SMCO3: variants seen among roughly 807,000 people sequenced by gnomAD.
SMCO3 encodes single-pass membrane and coiled-coil domain-containing protein 3.
In SMCO3, 6 loss-of-function variants were observed where a neutral mutation model predicts 12.0. The observed-to-expected ratio is 0.50, with a 90% CI of 0.27 to 0.99. The LOEUF (loss-of-function observed/expected upper bound fraction) is 0.99, where lower values mean the gene tolerates loss of function less well. Ranked by LOEUF, SMCO3 falls within the 50% of genes least tolerant of loss-of-function variation. The probability of loss-of-function intolerance (pLI) is 0.11; values close to 1 mark genes in which losing one functional copy is unlikely to be tolerated. For synonymous variants in SMCO3, 96 were observed against 96.4 expected, an observed-to-expected ratio of 1.00 and a Z score of 0.02; for missense variants, 279 against 265.0, an observed-to-expected ratio of 1.05 and a Z score of -0.37.
At chr12:14,806,862 C>T (rs1467917475) in intron 1 of SMCO3, among the ~76,000 whole-genome samples, 166 bp from the exon 2 acceptor site, 3 of 152,296 alleles carry the variant, frequency 2.0e-5, no homozygotes, top group South Asian at 2.1e-4. Flanking sequence ...GAGGGAGTAT[C>T]GCTGTGTCAC....
In SMCO3 at chr12:14,813,497, G is replaced by C. The variant is rs554911367; in HGVS notation, c.-17+629C>G. Among the ~76,000 whole-genome samples the C allele has an allele frequency of 3.3e-5, 5 of 152,296 alleles. No individual in the cohort carries two copies. The East Asian group carries it at 9.6e-4, about 29-fold the overall frequency. ...TCTGATATAAATTCATTTAAAAAAT[G>C]TTTCTGACCAGAAAGAAGAATATTA... is the stretch of plus-strand genomic sequence containing the variant. On this transcript the variant is annotated intron_variant, in intron 1 of 1. Transcript: ENST00000316048.
Position 14,806,836 on chromosome 12 carries a change from A to G in SMCO3, c.-16-140T>C, listed in dbSNP as rs1313699379. 4 of 808,174 alleles carry G rather than the reference A, an allele frequency of 4.9e-6. No individual in the cohort carries two copies. The Admixed American group carries it at 1.3e-4, about 26-fold the overall frequency. The allele number at this position is 808,174 out of a possible 1,614,324, so 50.1% of individuals were successfully genotyped here. ...TAAGGATAATTCCTCAGAACACTCA[A>G]CAAGTTTTTTTAAAAGAGGGAGTAT... On this transcript the variant is annotated intron_variant, in intron 1 of 1. Transcript: ENST00000316048.
chr12:14,805,960 AAAGG>A lies in SMCO3; in HGVS notation c.*39_*42del. 1 of 1,537,116 alleles carries A rather than the reference AAAGG, an allele frequency of 6.5e-7. No homozygotes were observed. The highest frequency in any genetic ancestry group is 1.3e-5 in the South Asian group (1 of 78,898). ...TCAAAGAAGCAAACACTGTTACTGA[AAAGG>A]AAGCAGAAAAACACTTCAGTGGCAA... On this transcript the variant is annotated 3_prime_UTR_variant, in exon 2 of 2. Transcript: ENST00000316048.
chr12:14,806,809 T>C (rs1190776596), intron 1 of SMCO3, 113 bp from the exon 2 acceptor site: 3 of 970,990 alleles, frequency 3.1e-6, no homozygotes, highest in Non-Finnish European at 4.5e-6. Context: ...CAAGATGCTG[T>C]CTAAGGATAA....
At position 14,805,066 on chromosome 12, in the gene SMCO3, A is replaced by G. The variant is rs1261978099; in HGVS notation, c.*937T>C. ...CCTTTGGCGTTTTCTAAAATCAGGT[A>G]ATTAGTGAAATGGCCCACCTAATGC... On this transcript the variant is annotated 3_prime_UTR_variant, in exon 2 of 2. Coordinates refer to ENST00000316048, the MANE Select transcript of SMCO3 (RefSeq NM_001013698.2). The G allele has an allele frequency of 6.6e-6, 1 of 152,268 alleles. No homozygotes were observed. The allele number at this position is 152,268 out of a possible 1,614,324, so 9.4% of individuals were successfully genotyped here. A position where few individuals can be genotyped will look rare whatever the true frequency, so the allele number is the denominator to read the frequency against.
Position 14,805,145 on chromosome 12 carries a change from T to C in SMCO3, c.*858A>G, listed in dbSNP as rs1950028852. 6.6e-6 allele frequency: 1 copy of C among 152,250 alleles called. No individual in the cohort carries two copies. The highest frequency in any genetic ancestry group is 2.1e-4 in the South Asian group (1 of 4,836). The allele number at this position is 152,250 out of a possible 1,614,324, so 9.4% of individuals were successfully genotyped here. ...TTTGCTAGTGTTGAAAATGAAATTA[T>C]ATTCTTTTTTCTGAAAGCTTATAAT... On this transcript the variant is annotated 3_prime_UTR_variant, in exon 2 of 2. Coordinates refer to ENST00000316048, the MANE Select transcript of SMCO3 (RefSeq NM_001013698.2).
chr12:14,812,538 A>G (rs757930382), intron 1 of SMCO3, among the ~76,000 whole-genome samples: 1 of 152,186 alleles, frequency 6.6e-6, no homozygotes, highest in African/African-American at 2.4e-5. Context: ...CTAATATTCT[A>G]ATGAGCATTT....
In SMCO3 at chr12:14,806,165, T is replaced by TATGCCAAGGCCAAGAACAGCA. The variant is rs768362318; in HGVS notation, c.495_515dup (p.Ala166_Ile172dup). On this transcript the variant is annotated inframe_insertion, in exon 2 of 2. Coordinates refer to ENST00000316048, the MANE Select transcript of SMCO3 (RefSeq NM_001013698.2). ...CCAGGATGGCACGGACAATCATATC[T>TATGCCAAGGCCAAGAACAGCA]ATGCCAAGGCCAAGAACAGCAACTC... The TATGCCAAGGCCAAGAACAGCA allele has an allele frequency of 2.2e-5, 35 of 1,614,034 alleles. No homozygotes were observed. The highest frequency in any genetic ancestry group is 4.0e-5 in the African/African-American group (3 of 74,892).
chr12:14,810,602 C>A (rs1349764196), intron 1 of SMCO3, among the ~76,000 whole-genome samples: 1 of 152,094 alleles, frequency 6.6e-6, no homozygotes, highest in Admixed American at 6.5e-5. Context: ...ATTAAAGGTA[C>A]ACTTGGTATT....
intron 1 of SMCO3, among the ~76,000 whole-genome samples, chr12:14,807,240 TGTG>T (rs1950065974): frequency 6.6e-6 from 1 of 152,264 alleles, no homozygotes; most frequent in Admixed American, 6.5e-5. Flanking sequence ...TATTAGATTT[TGTG>T]GTGGTGAGAA....
Position 14,805,788 on chromosome 12 carries a change from T to C in SMCO3, c.*215A>G, listed in dbSNP as rs558097753. The C allele has an allele frequency of 1.3e-4, 69 of 540,814 alleles. No homozygotes were observed. Among genetic ancestry groups the C allele is most frequent in the Non-Finnish European group, 2.0e-4 (64 of 315,726 alleles). 33.5% of individuals were successfully genotyped at this position (540,814 alleles called of 1,614,324 possible). A position where few individuals can be genotyped will look rare whatever the true frequency, so the allele number is the denominator to read the frequency against. On this transcript the variant is annotated 3_prime_UTR_variant, in exon 2 of 2. Transcript: ENST00000316048. ...GAAAACATCCAGGGAGAAAATTTTT[T>C]TACCTCACAGGGTCTAGCATCAGCT...
At chr12:14,808,220 A>G (rs1479996759) in intron 1 of SMCO3, among the ~76,000 whole-genome samples, 1 of 152,168 alleles carries the variant, frequency 6.6e-6, no homozygotes, top group Non-Finnish European at 1.5e-5. Context: ...AAACTTGACA[A>G]GAGACTTCAG....
At chr12:14,812,293 A>G (rs1393021948) in intron 1 of SMCO3, among the ~76,000 whole-genome samples, 1 of 152,152 alleles carries the variant, frequency 6.6e-6, no homozygotes, top group Non-Finnish European at 1.5e-5. Context: ...AAATACAAAA[A>G]ATTAGCCGGG....
rs1325473313 is a variant in SMCO3 at position 14,806,407 on chromosome 12, C to A, written c.274G>T (p.Glu92Ter). Residue 92 changes from glutamate (E) to a stop codon, truncating the protein, a stop_gained, in exon 2 of 2, where the codon GAG (glutamate) becomes TAG (stop). Coordinates refer to ENST00000316048, the MANE Select transcript of SMCO3 (RefSeq NM_001013698.2). LOFTEE classifies it high-confidence loss of function. Reference sequence around the variant, plus strand: ...TGAAGTTTTCTATAGAGGGTTGGCTCTAGCTTATCTTTTAGTGCTTCATCA... The same window carrying A: ...TGAAGTTTTCTATAGAGGGTTGGCTATAGCTTATCTTTTAGTGCTTCATCA... ...KVDEALKDKL[E>*]PTLYRKLQDI... 6.2e-7 allele frequency: 1 copy of A among 1,614,206 alleles called. No individual in the cohort carries two copies. Among genetic ancestry groups the A allele is most frequent in the South Asian group, 1.1e-5 (1 of 91,086 alleles).
chr12:14,806,324 G>A lies in SMCO3; in HGVS notation c.357C>T (p.Val119=). 6.2e-7 allele frequency: 1 copy of A among 1,614,172 alleles called. No individual in the cohort carries two copies. Among genetic ancestry groups the A allele is most frequent in the East Asian group, 2.2e-5 (1 of 44,890 alleles). ...KIAIVQKVIS[V]ILGEATSAAS... is the part of the protein sequence containing the mutation. ...CTGCAGATGTAGCTTCTCCCAGGAT[G>A]ACCGAAATAACCTTTTGCACTATTG... Residue 119 remains valine (V), a synonymous_variant, in exon 2 of 2, where the codon GTC becomes GTT. Coordinates refer to ENST00000316048, the MANE Select transcript of SMCO3 (RefSeq NM_001013698.2).
At chr12:14,812,400 T>C (rs867958601) in intron 1 of SMCO3, among the ~76,000 whole-genome samples, 17 of 151,974 alleles carry the variant, frequency 1.1e-4, no homozygotes, top group Admixed American at 7.9e-4. Flanking sequence ...GCCGAGATTG[T>C]GCCACTGCAC....
At chr12:14,812,065 A>T (rs542487264) in intron 1 of SMCO3, among the ~76,000 whole-genome samples, 1 of 152,356 alleles carries the variant, frequency 6.6e-6, no homozygotes, top group African/African-American at 2.4e-5. Flanking sequence ...ATTTGTTTAT[A>T]TGCATAAGTA....
rs535920680 is a variant in SMCO3, at chr12:14,804,816, G to A, written c.*1187C>T. 1.8e-3 allele frequency: 267 copies of A among 152,278 alleles called. No homozygotes were observed. The highest frequency in any genetic ancestry group is 6.0e-3 in the African/African-American group (249 of 41,558). The allele number at this position is 152,278 out of a possible 1,614,324, so 9.4% of individuals were successfully genotyped here. On this transcript the variant is annotated 3_prime_UTR_variant, in exon 2 of 2. Transcript: ENST00000316048. ...CTTTCATGTAGCTAAAATTTTATATGTAGCTACTATTTTTAAGATATGCTG... is the reference window on the plus strand; with the variant it reads ...CTTTCATGTAGCTAAAATTTTATATATAGCTACTATTTTTAAGATATGCTG...
intron 1 of SMCO3, among the ~76,000 whole-genome samples, chr12:14,812,441 C>A (rs1444548114): frequency 6.7e-6 from 1 of 150,316 alleles, no homozygotes; most frequent in Non-Finnish European, 1.5e-5. Context: ...GAGACTCCGT[C>A]TCAAAAAAAA....
Sources: allele counts gnomAD v4.1 joint callset (sites outside exome capture counted in the v4.1 genomes callset), GRCh38; gene constraint gnomAD v4.1.1; transcripts MANE v1.5; gene names NCBI Gene and HGNC (gene_info 2026-07-23, HGNC 2026-07-21).